FAM78B: variants seen among roughly 807,000 people sequenced by gnomAD.
FAM78B encodes the protein protein FAM78B.
FAM78B carries 10 observed loss-of-function variants against 20.0 expected under a neutral mutation model. The ratio of observed to expected loss-of-function variants is 0.50; its 90% CI spans 0.31 to 0.85. The LOEUF (loss-of-function observed/expected upper bound fraction) is 0.85, where lower values mean the gene tolerates loss of function less well. Among genes scored for constraint, FAM78B ranks in the 40% least tolerant of loss-of-function variants. FAM78B has a pLI of 0.05. For synonymous variants in FAM78B, 135 were observed against 132.8 expected, an observed-to-expected ratio of 1.02 and a Z score of -0.12; for missense variants, 283 against 345.0, an observed-to-expected ratio of 0.82 and a Z score of 1.42.
At chr1:166,149,140 A>G (rs963958486) in intron 1 of FAM78B, among the ~76,000 whole-genome samples, 6 of 152,212 alleles carry the variant, frequency 3.9e-5, no homozygotes, top group African/African-American at 1.2e-4. Context: ...CATGATTTAT[A>G]GTCCTTTGGG....
intron 1 of FAM78B, among the ~76,000 whole-genome samples, chr1:166,153,190 C>T (rs756447968): frequency 6.6e-6 from 1 of 152,178 alleles, no homozygotes; most frequent in African/African-American, 2.4e-5. Context: ...GGTTCTGCTC[C>T]AAGGGTGGAG....
intron 1 of FAM78B, among the ~76,000 whole-genome samples, chr1:166,143,294 T>C (rs1301674277): frequency 1.3e-5 from 2 of 152,032 alleles, no homozygotes; most frequent in South Asian, 4.1e-4. Context: ...AGGTGTCTTC[T>C]AGGAGAGGAG....
chr1:166,107,478 A>G (rs1241534593), intron 1 of FAM78B, among the ~76,000 whole-genome samples: 1 of 152,170 alleles, frequency 6.6e-6, no homozygotes, highest in African/African-American at 2.4e-5. Context: ...GAACAGACCA[A>G]TAACAAGCAG....
chr1:166,148,969 TG>T, intron 1 of FAM78B, among the ~76,000 whole-genome samples: 1 of 152,218 alleles, frequency 6.6e-6, no homozygotes, highest in Admixed American at 6.5e-5. Flanking sequence ...ACAAAGGACA[TG>T]AACTCATCAT....
chr1:166,102,144 C>T (rs1024657487), intron 1 of FAM78B, among the ~76,000 whole-genome samples: 7 of 152,172 alleles, frequency 4.6e-5, no homozygotes, highest in Admixed American at 4.6e-4. Context: ...AAATACTTTA[C>T]AGACAAGCAA....
downstream of FAM78B, among the ~76,000 whole-genome samples, chr1:166,064,431 A>C (rs1202060449): frequency 1.3e-5 from 2 of 152,152 alleles, no homozygotes; most frequent in African/African-American, 4.8e-5. Flanking sequence ...AACTAGGCAA[A>C]TTGGGCTGGG....
chr1:166,123,136 A>G (rs1209816557), intron 1 of FAM78B, among the ~76,000 whole-genome samples: 1 of 152,242 alleles, frequency 6.6e-6, no homozygotes, highest in Non-Finnish European at 1.5e-5. Flanking sequence ...TGTGGCAGAA[A>G]GGCTTTGGTT....
In FAM78B at chr1:166,164,166, G is replaced by A. The variant is rs145769452; in HGVS notation, c.263+1820C>T. Among the ~76,000 whole-genome samples, 36 of 152,356 alleles carry A rather than the reference G, an allele frequency of 2.4e-4. 1 individual carries two copies. The East Asian group carries it at 7.0e-3, about 29-fold the overall frequency. ...CATAAGAGATTTGAGGCAACAGAGA[G>A]TTCCGCTGTGCAGTCTTGGGAAAAG... On this transcript the variant is annotated intron_variant, in intron 1 of 1. Coordinates refer to ENST00000354422, the MANE Select transcript of FAM78B (RefSeq NM_001017961.5).
intron 1 of FAM78B, among the ~76,000 whole-genome samples, chr1:166,115,949 G>A (rs1654237488): frequency 6.6e-6 from 1 of 152,222 alleles, no homozygotes; most frequent in Admixed American, 6.5e-5. Context: ...AGACTGTAAT[G>A]TTCTAGAGAG....
In FAM78B at chr1:166,110,516, C is replaced by G. The variant is rs567431782; in HGVS notation, c.264-39753G>C. ...TGGTAAGCAATCAATGTCTTTTTCT[C>G]CCATGTGGTAGTACCCAAAGCCAGC... On this transcript the variant is annotated intron_variant, in intron 1 of 1. Coordinates refer to ENST00000354422, the MANE Select transcript of FAM78B (RefSeq NM_001017961.5). Among the ~76,000 whole-genome samples, 3 of 152,274 alleles carry G rather than the reference C, an allele frequency of 2.0e-5. No homozygotes were observed. In the South Asian group the frequency reaches 6.2e-4, roughly 32 times the overall value.
At chr1:166,104,246 C>T (rs1653670088) in intron 1 of FAM78B, among the ~76,000 whole-genome samples, 2 of 152,158 alleles carry the variant, frequency 1.3e-5, no homozygotes, top group Non-Finnish European at 2.9e-5. Flanking sequence ...CAGCCAATAT[C>T]ATATTGAATG....
intron 1 of FAM78B, among the ~76,000 whole-genome samples, chr1:166,094,648 C>T (rs116275049): frequency 0.01 from 1,571 of 152,262 alleles, 37 homozygotes; most frequent in African/African-American, 0.036. Flanking sequence ...CAGAATGTGC[C>T]TTAATGTTTC....
intron 1 of FAM78B, among the ~76,000 whole-genome samples, chr1:166,110,132 A>G (rs1231332453): frequency 2.0e-5 from 3 of 151,028 alleles, no homozygotes. Context: ...AGTAGAGGAG[A>G]GAGGGATAGA....
At chr1:166,096,650 G>A (rs930481994) in intron 1 of FAM78B, among the ~76,000 whole-genome samples, 5 of 152,150 alleles carry the variant, frequency 3.3e-5, no homozygotes, top group African/African-American at 1.2e-4. Flanking sequence ...CAACTGTCCT[G>A]ATGTAGTGAG....
rs1651939527 is a variant in FAM78B at position 166,069,727 on chromosome 1, TTAA to T, written c.*511_*513del. 2.6e-5 allele frequency: 4 copies of T among 152,798 alleles called. No homozygotes were observed. The highest frequency in any genetic ancestry group is 9.7e-5 in the African/African-American group (4 of 41,448). The allele number at this position is 152,798 out of a possible 1,614,324, so 9.5% of individuals were successfully genotyped here. The stretch of plus-strand genomic sequence containing the variant: ...TTATCAACTAATAAATGCAGAAGTA[TTAA>T]TGTGTCATAAAACCTTATTCTTTCC... On this transcript the variant is annotated 3_prime_UTR_variant, in exon 2 of 2. Transcript: ENST00000354422.
chr1:166,098,015 G>T (rs765012363), intron 1 of FAM78B, among the ~76,000 whole-genome samples: 1 of 152,172 alleles, frequency 6.6e-6, no homozygotes, highest in Non-Finnish European at 1.5e-5. Context: ...ACAGGTACTG[G>T]TATCCATGGC....
intron 1 of FAM78B, among the ~76,000 whole-genome samples, chr1:166,088,936 C>T (rs1220380079): frequency 3.3e-5 from 5 of 152,184 alleles, no homozygotes; most frequent in Non-Finnish European, 7.4e-5. Context: ...TCCCCAGCTT[C>T]ATCTCACACC....
At chr1:166,117,183 C>T (rs1654293992) in intron 1 of FAM78B, among the ~76,000 whole-genome samples, 1 of 152,104 alleles carries the variant, frequency 6.6e-6, no homozygotes, top group South Asian at 2.1e-4. Flanking sequence ...GACATATGAT[C>T]TCCCTGAGTA....
intron 1 of FAM78B, among the ~76,000 whole-genome samples, chr1:166,078,347 C>CTAAT (rs930850742): frequency 1.3e-5 from 2 of 152,208 alleles, no homozygotes; most frequent in Admixed American, 6.5e-5. Context: ...TAGTTATTAT[C>CTAAT]TAATTCCCTT....
Sources: allele counts gnomAD v4.1 joint callset (sites outside exome capture counted in the v4.1 genomes callset), GRCh38; gene constraint gnomAD v4.1.1; transcripts MANE v1.5; gene names NCBI Gene and HGNC (gene_info 2026-07-23, HGNC 2026-07-21).